EXD3: variants seen among roughly 807,000 people sequenced by gnomAD.
EXD3 encodes the protein exonuclease mut-7 homolog.
In EXD3, 92 loss-of-function variants were observed where a neutral mutation model predicts 98.0. The observed-to-expected ratio is 0.94, with a 90% CI of 0.79 to 1.12. The LOEUF is 1.12. Among genes scored for constraint, EXD3 ranks in the 50% most tolerant of loss-of-function variants. The pLI is 0.00. For missense variants in EXD3, 1,222 were observed against 1,191.6 expected (o/e 1.03, Z -0.38); for synonymous variants, 569 against 526.0 (o/e 1.08, Z -1.12).
rs1158055778 is a variant in EXD3, at chr9:137,385,730, C to T, written c.56-2353G>A. On this transcript the variant is annotated intron_variant, in intron 2 of 21. Coordinates refer to ENST00000340951, the MANE Select transcript of EXD3 (RefSeq NM_017820.5). This position sits in a 1 kb window ranked among gnomAD's most constrained non-coding sequence, Gnocchi z 4.4. ...TGTATTTTTAGTAGAGACGGGTTTT[C>T]ACCATGTTGGCCAGGCTGGTCTTGA... 6.6e-6 allele frequency among the ~76,000 whole-genome samples: 1 copy of T among 152,030 alleles called. No homozygotes were observed. Among genetic ancestry groups the T allele is most frequent in the Non-Finnish European group, 1.5e-5 (1 of 68,016 alleles).
chr9:137,406,239 A>G (rs1169718069), intron 1 of EXD3, among the ~76,000 whole-genome samples: 1 of 151,594 alleles, frequency 6.6e-6, no homozygotes, highest in African/African-American at 2.4e-5. Context: ...GAAAAGAAAG[A>G]AAAGAAAAGA....
intron 10 of EXD3, 49 bp downstream of exon 10, chr9:137,354,290 C>G (rs1276583275): frequency 1.9e-6 from 3 of 1,603,914 alleles, no homozygotes; most frequent in Non-Finnish European, 1.7e-6. Context: ...GCCCCTAGGA[C>G]AGCCGCCCAG....
At chr9:137,329,522 C>G (rs375223388) in intron 17 of EXD3, among the ~76,000 whole-genome samples, 76 of 40,906 alleles carry the variant, frequency 1.9e-3, no homozygotes, top group South Asian at 4.0e-3. Context: ...CGGGACTACA[C>G]GGGACTACAC....
intron 17 of EXD3, among the ~76,000 whole-genome samples, chr9:137,340,360 C>T (rs1218958544): frequency 6.6e-6 from 1 of 151,924 alleles, no homozygotes; most frequent in African/African-American, 2.4e-5. Flanking sequence ...GCCTGTAATC[C>T]CAGCTACTCA....
At chr9:137,363,282 G>A (rs578012159) in intron 7 of EXD3, among the ~76,000 whole-genome samples, 102 of 142,812 alleles carry the variant, frequency 7.1e-4, no homozygotes, top group Non-Finnish European at 1.2e-3. Context: ...GTTGGGCTGC[G>A]CTTTTTTTTT....
chr9:137,354,278 G>T, intron 10 of EXD3, 61 bp downstream of exon 10: 2 of 1,596,146 alleles, frequency 1.3e-6, no homozygotes, highest in Non-Finnish European at 1.7e-6. Context: ...CTCCGGGCCT[G>T]TGCCCCTAGG....
At chr9:137,420,168 A>C (rs897600991) in intron 1 of EXD3, among the ~76,000 whole-genome samples, 9 of 151,602 alleles carry the variant, frequency 5.9e-5, no homozygotes, top group Admixed American at 2.6e-4. Context: ...TAAAAAAAAA[A>C]CAAAAAAAAC....
chr9:137,416,523 G>A (rs931593390), intron 1 of EXD3, among the ~76,000 whole-genome samples: 51 of 151,736 alleles, frequency 3.4e-4, no homozygotes, highest in African/African-American at 1.2e-3. Context: ...GCAGGCGCCC[G>A]GAACCTCGCT....
Position 137,352,676 on chromosome 9 carries a change from C to T in EXD3, c.981G>A (p.Glu327=). ...CAGCCACCGCAGCCGGCAGCCGCTC[C>T]TCGGGCAGCAAGAGTTCCATGGCAC... The part of the protein sequence containing the change: ...AQCAMELLLP[E]ERLPAAVAVE... The change falls in exon 11 of 22, where the codon GAG becomes GAA. Residue 327 remains glutamate, a synonymous_variant. Coordinates refer to ENST00000340951, the MANE Select transcript of EXD3 (RefSeq NM_017820.5). 1 of 1,554,270 alleles carries T rather than the reference C, an allele frequency of 6.4e-7. No homozygotes were observed. Among genetic ancestry groups the T allele is most frequent in the East Asian group, 2.4e-5 (1 of 41,232 alleles).
rs534564550 is a variant in EXD3 at position 137,373,215 on chromosome 9, C to T, written c.295-143G>A. On this transcript the variant is annotated intron_variant, in intron 4 of 21. Transcript: ENST00000340951. ...TCGGGTGGTCTGCAGGGCTGGGGCA[C>T]GGGAGGGGCGAGGCCGGTCTCAGCA... The T allele has an allele frequency of 7.0e-4, 818 of 1,161,026 alleles. 4 individuals carry two copies. In the African/African-American group the frequency reaches 0.011, roughly 16 times the overall value. The allele number at this position is 1,161,026 out of a possible 1,614,324, so 71.9% of individuals were successfully genotyped here.
chr9:137,387,523 CA>C (rs1475642049), intron 2 of EXD3, among the ~76,000 whole-genome samples: 6 of 152,158 alleles, frequency 3.9e-5, no homozygotes, highest in African/African-American at 1.4e-4. Context: ...ACAGGATGTC[CA>C]GGGGCGGCTT....
rs1837540420 is a variant in EXD3 at position 137,403,030 on chromosome 9, T to A, written c.-47-7626A>T. Among the ~76,000 whole-genome samples the A allele has an allele frequency of 6.6e-6, 1 of 152,140 alleles. No homozygotes were observed. ...GGGTCCCTCCCACAACAGGTGGGAATTCTGGGAGATACAATTCAAGTTGAG... is the reference window on the plus strand; with the variant it reads ...GGGTCCCTCCCACAACAGGTGGGAAATCTGGGAGATACAATTCAAGTTGAG... On this transcript the variant is annotated intron_variant, in intron 1 of 21. Coordinates refer to ENST00000340951, the MANE Select transcript of EXD3 (RefSeq NM_017820.5). This position sits in a 1 kb window ranked among gnomAD's most constrained non-coding sequence, Gnocchi z 6.1.
At chr9:137,329,931 T>C (rs1182956676) in intron 17 of EXD3, among the ~76,000 whole-genome samples, 1 of 99,132 alleles carries the variant, frequency 1.0e-5, no homozygotes, top group Non-Finnish European at 1.9e-5. Flanking sequence ...TACACAGGAC[T>C]ACACAGGACT....
At chr9:137,365,975 G>A in intron 7 of EXD3, 1 of 511,786 alleles carries the variant, frequency 2.0e-6, no homozygotes, top group East Asian at 4.3e-5. Flanking sequence ...TGCACACACA[G>A]AGACACACAC....
intron 6 of EXD3, 91 bp from the exon 7 acceptor site, chr9:137,366,723 A>G: frequency 6.8e-7 from 1 of 1,467,798 alleles, no homozygotes; most frequent in Non-Finnish European, 9.1e-7. Flanking sequence ...CCAAAGTGTC[A>G]GAACGAAAGG....
In EXD3 at chr9:137,349,213, G is replaced by A. The variant is rs1400696501; in HGVS notation, c.1727C>T (p.Ser576Leu). 5 of 1,583,182 alleles carry A rather than the reference G, an allele frequency of 3.2e-6. No individual in the cohort carries two copies. The Admixed American group carries it at 5.3e-5, about 17-fold the overall frequency. The change falls in exon 16 of 22, where the codon TCG becomes TTG. Residue 576 changes from serine to leucine, a missense_variant. Physicochemically the swap from Ser to Leu is moderately radical, Grantham distance 145. Transcript: ENST00000340951. The surrounding 1 kb of genome is among the most constrained non-coding windows in gnomAD (Gnocchi z 7.4). ...LCREPARFHLSEDLAGSRRPR... is the reference protein window; with the variant it reads ...LCREPARFHLLEDLAGSRRPR... ...CCTCCGGCTCCCAGCCAGGTCCTCCGACAGGTGGAAGCGGGCGGGCTCTCT... is the reference window on the plus strand; with the variant it reads ...CCTCCGGCTCCCAGCCAGGTCCTCCAACAGGTGGAAGCGGGCGGGCTCTCT...
chr9:137,308,051 G>T lies in EXD3; in HGVS notation c.2279-405C>A, dbSNP rs1831142392. Among the ~76,000 whole-genome samples, 3 of 151,876 alleles carry T rather than the reference G, an allele frequency of 2.0e-5. No individual in the cohort carries two copies. The South Asian group carries it at 6.2e-4, about 32-fold the overall frequency. On this transcript the variant is annotated intron_variant, in intron 20 of 21. Coordinates refer to ENST00000340951, the MANE Select transcript of EXD3 (RefSeq NM_017820.5). Reference sequence around the variant, plus strand: ...GCACAAGGGTGGGCGGGTGGGCAGGGCCCAGGGACTGCCAGGCTCAGGGTC... The same window carrying T: ...GCACAAGGGTGGGCGGGTGGGCAGGTCCCAGGGACTGCCAGGCTCAGGGTC...
At position 137,348,184 on chromosome 9, in the gene EXD3, C is replaced by T. The variant is rs770993858; in HGVS notation, c.1885G>A (p.Ala629Thr). Residue 629 changes from alanine (A) to threonine (T), a missense_variant, in exon 17 of 22, where the codon GCC (alanine) becomes ACC (threonine). Physicochemically the swap from Ala to Thr is moderately conservative, Grantham distance 58 (BLOSUM62 0). Coordinates refer to ENST00000340951, the MANE Select transcript of EXD3 (RefSeq NM_017820.5). ...ATGTTGTCACACACCACACGGAAGG[C>T]CCTGGCCGGAATCTGAGGGGCAGCG... is the stretch of plus-strand genomic sequence containing the variant. ...EGAAPQIPAR[A>T]FRVVCDNMLQ... 6.2e-7 allele frequency: 1 copy of T among 1,612,080 alleles called. No homozygotes were observed. Among genetic ancestry groups the T allele is most frequent in the East Asian group, 2.2e-5 (1 of 44,818 alleles).
At chr9:137,309,894 T>C (rs979600881) in intron 19 of EXD3, among the ~76,000 whole-genome samples, 194 bp from the exon 20 acceptor site, 2 of 152,242 alleles carry the variant, frequency 1.3e-5, no homozygotes, top group Non-Finnish European at 2.9e-5. Context: ...CCTCCCTGAC[T>C]GTGCTGGCTT....
Sources: allele counts gnomAD v4.1 joint callset (sites outside exome capture counted in the v4.1 genomes callset), GRCh38; gene constraint gnomAD v4.1.1; non-coding constraint Gnocchi (gnomAD v3.1); transcripts MANE v1.5; gene names NCBI Gene and HGNC (gene_info 2026-07-23, HGNC 2026-07-21).